The following MYH15 variants were observed in gnomAD, a reference collection of about 807,000 sequenced individuals.
MYH15 encodes the protein myosin heavy chain 15, also known as myosin-15.
Under a neutral mutation model 240.5 loss-of-function variants are expected in MYH15, and 227 were observed. That is an observed-to-expected ratio of 0.94 (90% CI 0.85 to 1.05). MYH15 has a LOEUF of 1.05. MYH15 is among the 50% of genes least tolerant of loss of function. The pLI, the probability that MYH15 is intolerant of heterozygous loss-of-function variation, is 0.00. For missense variants in MYH15, 2,217 were observed against 2,247.5 expected (o/e 0.99, Z 0.27); for synonymous variants, 785 against 796.7 (o/e 0.99, Z 0.25).
intron 15 of MYH15, 76 bp from the exon 16 acceptor site, chr3:108,463,319 C>T: frequency 6.8e-7 from 1 of 1,471,358 alleles, no homozygotes; most frequent in Non-Finnish European, 9.2e-7. Flanking sequence ...TGTGCATTAC[C>T]CCTTTTTTTT....
rs781771442 is a variant in MYH15, at chr3:108,441,015, T to C, written c.2898+3A>G. 3.7e-6 allele frequency: 6 copies of C among 1,613,582 alleles called. No homozygotes were observed. The East Asian group carries it at 1.1e-4, about 30-fold the overall frequency. On this transcript the variant is annotated splice_donor_region_variant and intron_variant, in intron 23 of 40. Coordinates refer to ENST00000693548, the MANE Select transcript of MYH15 (RefSeq NM_014981.3). Reference sequence around the variant, plus strand: ...TTCTTAACTAACATTATGGAAAAAGTACCTTGTGCTCTGTAGTACGCTTCT... The same window carrying C: ...TTCTTAACTAACATTATGGAAAAAGCACCTTGTGCTCTGTAGTACGCTTCT...
chr3:108,430,860 T>C lies in MYH15; in HGVS notation c.3284A>G (p.Gln1095Arg), dbSNP rs199968089. 1.5e-4 allele frequency: 236 copies of C among 1,611,842 alleles called. No individual in the cohort carries two copies. Among genetic ancestry groups the C allele is most frequent in the Non-Finnish European group, 1.9e-4 (224 of 1,179,232 alleles). The change falls in exon 26 of 41, where the codon CAG becomes CGG. Residue 1095 changes from glutamine (Q) to arginine (R), a missense_variant. Transcript: ENST00000693548. ...AAGCTCTTTAACCGTCTTCTGAAGC[T>C]GAGCTACCAGGCCTTTCTCATTCTC... is the stretch of plus-strand genomic sequence containing the variant. ...KVENEKGLVA[Q>R]LQKTVKELQT...
chr3:108,471,708 T>A (rs992189338), intron 12 of MYH15, among the ~76,000 whole-genome samples: 1 of 152,184 alleles, frequency 6.6e-6, no homozygotes, highest in Non-Finnish European at 1.5e-5. Context: ...TCCCCACTTA[T>A]CCTTGTTTTA....
chr3:108,387,110 C>T (rs1037554919), intron 38 of MYH15, among the ~76,000 whole-genome samples: 5 of 152,192 alleles, frequency 3.3e-5, no homozygotes, highest in Admixed American at 1.3e-4. Context: ...CACTTGACTC[C>T]TTTCCAGTAG....
chr3:108,389,982 G>A (rs2082412001), intron 37 of MYH15, among the ~76,000 whole-genome samples: 1 of 152,178 alleles, frequency 6.6e-6, no homozygotes, highest in Non-Finnish European at 1.5e-5. Context: ...CCTCCTCAGA[G>A]AGGTGCAACG....
intron 27 of MYH15, among the ~76,000 whole-genome samples, chr3:108,425,094 C>T (rs907425738): frequency 2.0e-5 from 3 of 152,208 alleles, no homozygotes; most frequent in African/African-American, 4.8e-5. Flanking sequence ...AAAAGTGCTA[C>T]AGGAACTCAA....
intron 15 of MYH15, 112 bp from the exon 16 acceptor site, chr3:108,463,355 T>A: frequency 8.4e-7 from 1 of 1,194,550 alleles, no homozygotes; most frequent in Non-Finnish European, 1.2e-6. Context: ...CATTCTGTTA[T>A]CCAGGCTAGA....
chr3:108,384,511 G>A (rs992617403), intron 39 of MYH15, among the ~76,000 whole-genome samples, 176 bp downstream of exon 39: 7 of 152,118 alleles, frequency 4.6e-5, no homozygotes, highest in Admixed American at 6.6e-5. Flanking sequence ...GAAAAGCCAC[G>A]CACATTTTTG....
intron 12 of MYH15, 66 bp from the exon 13 acceptor site, chr3:108,470,913 C>G: frequency 1.3e-6 from 2 of 1,513,444 alleles, no homozygotes; most frequent in Non-Finnish European, 1.8e-6. Context: ...CGGGCATTCT[C>G]TATCAGCAAC....
chr3:108,415,894 G>A (rs1447506311), intron 29 of MYH15, among the ~76,000 whole-genome samples: 1 of 152,168 alleles, frequency 6.6e-6, no homozygotes, highest in Non-Finnish European at 1.5e-5. Flanking sequence ...CACTGGGAAG[G>A]CAGCCAGAGA....
intron 29 of MYH15, among the ~76,000 whole-genome samples, chr3:108,415,486 G>C (rs1321851464): frequency 6.6e-6 from 1 of 152,048 alleles, no homozygotes; most frequent in East Asian, 1.9e-4. Flanking sequence ...CCTTTATGTG[G>C]CATTTACATG....
At position 108,399,121 on chromosome 3, in the gene MYH15, A is replaced by T; in HGVS notation, c.4883T>A (p.Val1628Glu). The T allele has an allele frequency of 6.2e-7, 1 of 1,614,124 alleles. No homozygotes were observed. Among genetic ancestry groups the T allele is most frequent in the Non-Finnish European group, 8.5e-7 (1 of 1,180,018 alleles). The change falls in exon 34 of 41, where the codon GTG becomes GAG. Residue 1628 changes from valine (V) to glutamate (E), a missense_variant. Val to Glu is a moderately radical substitution (Grantham distance 121). Coordinates refer to ENST00000693548, the MANE Select transcript of MYH15 (RefSeq NM_014981.3). ...GCCCAGGGATTTGGTTGCTTCTGAC[A>T]CCTGCCGGTTGGCACAGCTAAGCTG... ...ELQLSCANRQ[V>E]SEATKSLGQL...
At chr3:108,448,856 T>C (rs996882104) in intron 21 of MYH15, among the ~76,000 whole-genome samples, 1 of 151,120 alleles carries the variant, frequency 6.6e-6, no homozygotes, top group Non-Finnish European at 1.5e-5. Context: ...AAGTATCTCA[T>C]GTAGAAAACC....
At chr3:108,393,191 A>G (rs889525701) in intron 36 of MYH15, among the ~76,000 whole-genome samples, 12 of 152,190 alleles carry the variant, frequency 7.9e-5, no homozygotes, top group African/African-American at 2.7e-4. Context: ...GCTTCCCTTC[A>G]TGTGGGAGGA....
At chr3:108,444,348 C>A (rs990461574) in intron 22 of MYH15, among the ~76,000 whole-genome samples, 8 of 151,960 alleles carry the variant, frequency 5.3e-5, no homozygotes, top group Non-Finnish European at 1.0e-4. Flanking sequence ...GGGTCATGGG[C>A]TACATAGAAA....
chr3:108,485,183 C>T lies in MYH15; in HGVS notation c.1022G>A (p.Cys341Tyr), dbSNP rs543542368. The T allele has an allele frequency of 9.9e-5, 160 of 1,614,096 alleles. 1 individual carries two copies. The South Asian group carries it at 1.7e-3, about 17-fold the overall frequency. The change falls in exon 11 of 41, where the codon TGC (cysteine) becomes TAC (tyrosine). Residue 341 changes from cysteine to tyrosine, a missense_variant. Coordinates refer to ENST00000693548, the MANE Select transcript of MYH15 (RefSeq NM_014981.3). ...LGFLPDEKYGCYKLTGAIMHF... is the reference protein window; with the variant it reads ...LGFLPDEKYGYYKLTGAIMHF... ...CATGATGGCTCCAGTGAGTTTATAG[C>T]ATCCATACTTCTCATCAGGAAGAAA...
chr3:108,542,477 C>T, the MYH15 span, among the ~76,000 whole-genome samples: 11 of 152,142 alleles, frequency 7.2e-5, no homozygotes, highest in Admixed American at 2.0e-4. Context: ...TGTGTGCAGC[C>T]TTTTCAGACT....
At position 108,416,677 on chromosome 3, in the gene MYH15, G is replaced by GT; in HGVS notation, c.3948+134dup. ...AGTCATCAGGGTTCTTCCTGGCATG[G>GT]TTTTTCCCCCATAACTTCTAGGGCA... On this transcript the variant is annotated intron_variant, in intron 29 of 40. Coordinates refer to ENST00000693548, the MANE Select transcript of MYH15 (RefSeq NM_014981.3). The GT allele has an allele frequency of 6.7e-6, 5 of 747,972 alleles. No individual in the cohort carries two copies. In the South Asian group the frequency reaches 9.3e-5, roughly 14 times the overall value. 46.3% of individuals were successfully genotyped at this position (747,972 alleles called of 1,614,324 possible). A position where few individuals can be genotyped will look rare whatever the true frequency, so the allele number is the denominator to read the frequency against.
In MYH15 at chr3:108,499,501, T is replaced by G; in HGVS notation, c.497-19A>C. On this transcript the variant is annotated intron_variant, in intron 4 of 40. Transcript: ENST00000693548. The stretch of plus-strand genomic sequence containing the variant: ...TCTCGATCTACAAAAGAAAGAAAAA[T>G]GCCAGAATATTCTTATATTCGATAT... 1.2e-6 allele frequency: 2 copies of G among 1,609,638 alleles called. No individual in the cohort carries two copies. The highest frequency in any genetic ancestry group is 4.5e-5 in the East Asian group (2 of 44,794).
Sources: allele counts gnomAD v4.1 joint callset (sites outside exome capture counted in the v4.1 genomes callset), GRCh38; gene constraint gnomAD v4.1.1; transcripts MANE v1.5; gene names NCBI Gene and HGNC (gene_info 2026-07-23, HGNC 2026-07-21).